The following EPB41L5 variants were observed in gnomAD, a reference collection of about 807,000 sequenced individuals.
EPB41L5 encodes the protein erythrocyte membrane protein band 4.1 like 5.
EPB41L5 carries 55 observed loss-of-function variants against 106.6 expected under a neutral mutation model. That is an observed-to-expected ratio of 0.52 (90% CI 0.42 to 0.65). The LOEUF (loss-of-function observed/expected upper bound fraction) is 0.65. Ranked by LOEUF, EPB41L5 falls within the 30% of genes least tolerant of loss-of-function variation. The pLI is 0.00. For synonymous variants in EPB41L5, 297 were observed against 306.7 expected, an observed-to-expected ratio of 0.97 and a Z score of 0.33; for missense variants, 871 against 882.1, an observed-to-expected ratio of 0.99 and a Z score of 0.16.
chr2:120,107,455 T>G (rs554625709), intron 16 of EPB41L5, among the ~76,000 whole-genome samples: 3 of 152,298 alleles, frequency 2.0e-5, no homozygotes. Flanking sequence ...TTTTAATATG[T>G]GTTATACCAC....
chr2:120,136,644 A>G (rs1399119393), intron 18 of EPB41L5, among the ~76,000 whole-genome samples: 3 of 152,076 alleles, frequency 2.0e-5, no homozygotes, highest in Non-Finnish European at 4.4e-5. Flanking sequence ...AAAACCATAA[A>G]AAGACAAAGA....
chr2:120,073,676 T>C lies in EPB41L5; in HGVS notation c.329-424T>C, dbSNP rs565769014. Among the ~76,000 whole-genome samples the C allele has an allele frequency of 1.1e-4, 16 of 152,328 alleles. 1 individual carries two copies. The South Asian group carries it at 2.5e-3, about 24-fold the overall frequency. On this transcript the variant is annotated intron_variant, in intron 4 of 24. Coordinates refer to ENST00000263713, the MANE Select transcript of EPB41L5 (RefSeq NM_020909.4). ...CCAACTTGACTTTTTATCAGACTTA[T>C]TAGGGCACCTCAACTCTTGTCTCAA...
chr2:120,075,617 A>G (rs914239893), intron 6 of EPB41L5, 84 bp from the exon 7 acceptor site: 4 of 1,415,948 alleles, frequency 2.8e-6, no homozygotes, highest in East Asian at 2.3e-5. Flanking sequence ...GAAATGGTCA[A>G]CATAAAACAT....
intron 20 of EPB41L5, among the ~76,000 whole-genome samples, chr2:120,149,831 A>G (rs150343948): frequency 6.6e-5 from 9 of 137,272 alleles, no homozygotes; most frequent in East Asian, 4.3e-4. Context: ...ACCATTTTCT[A>G]TTTCTCCCAG....
At chr2:120,019,440 A>G (rs1457877858) in intron 2 of EPB41L5, among the ~76,000 whole-genome samples, 176 bp downstream of exon 2, 1 of 152,180 alleles carries the variant, frequency 6.6e-6, no homozygotes, top group Non-Finnish European at 1.5e-5. Context: ...GACCAAAAGT[A>G]CTTGGATTGG....
intron 2 of EPB41L5, among the ~76,000 whole-genome samples, chr2:120,038,739 G>A (rs534888671): frequency 2.0e-5 from 3 of 152,266 alleles, no homozygotes; most frequent in South Asian, 2.1e-4. Context: ...GGGCGACAGA[G>A]TGAGACTGTA....
Position 120,147,039 on chromosome 2 carries a change from C to T in EPB41L5, c.1793+750C>T, listed in dbSNP as rs192023039. Among the ~76,000 whole-genome samples, 16 of 152,298 alleles carry T rather than the reference C, an allele frequency of 1.1e-4. No individual in the cohort carries two copies. The East Asian group carries it at 2.7e-3, about 26-fold the overall frequency. Reference sequence around the variant, plus strand: ...GGTGATCAGGGTAAAGCTAGAATTACAACTTGACCTTGTAACTAATGCTAA... The same window carrying T: ...GGTGATCAGGGTAAAGCTAGAATTATAACTTGACCTTGTAACTAATGCTAA... On this transcript the variant is annotated intron_variant, in intron 20 of 24. Transcript: ENST00000263713.
intron 16 of EPB41L5, among the ~76,000 whole-genome samples, chr2:120,125,096 T>G (rs1685398749): frequency 6.6e-6 from 1 of 152,238 alleles, no homozygotes; most frequent in Non-Finnish European, 1.5e-5. Flanking sequence ...GATGTTCTAA[T>G]TCTGTCATTT....
intron 3 of EPB41L5, 27 bp from the exon 4 acceptor site, chr2:120,073,151 A>T (rs530002144): frequency 6.2e-7 from 1 of 1,600,536 alleles, no homozygotes; most frequent in African/African-American, 1.3e-5. Flanking sequence ...TCATCTGCTT[A>T]ACTAAATTTT....
At chr2:120,121,309 A>C (rs550809911) in intron 16 of EPB41L5, among the ~76,000 whole-genome samples, 9 of 152,074 alleles carry the variant, frequency 5.9e-5, no homozygotes, top group Non-Finnish European at 1.2e-4. Context: ...ACCCATCAAC[A>C]CATCATTTAC....
At chr2:120,031,000 CT>C (rs1370420771) in intron 2 of EPB41L5, among the ~76,000 whole-genome samples, 1 of 152,170 alleles carries the variant, frequency 6.6e-6, no homozygotes, top group African/African-American at 2.4e-5. Flanking sequence ...CCTCAGCCTC[CT>C]GAGTAGCTGG....
At chr2:120,159,363 C>G (rs1351180688) in intron 20 of EPB41L5, among the ~76,000 whole-genome samples, 1 of 145,350 alleles carries the variant, frequency 6.9e-6, no homozygotes, top group African/African-American at 2.6e-5. Context: ...GTGGAGCTTG[C>G]AGCAAGCCGA....
At chr2:120,141,192 TAA>T (rs1445306497) in intron 18 of EPB41L5, among the ~76,000 whole-genome samples, 1 of 152,110 alleles carries the variant, frequency 6.6e-6, no homozygotes. Context: ...TTTTGTAAGA[TAA>T]AATAAATACT....
intron 2 of EPB41L5, among the ~76,000 whole-genome samples, chr2:120,027,466 C>T (rs903017002): frequency 1.3e-5 from 2 of 152,190 alleles, no homozygotes; most frequent in Non-Finnish European, 2.9e-5. Context: ...TGTGAAATTC[C>T]AGAAGAGGGA....
intron 17 of EPB41L5, among the ~76,000 whole-genome samples, chr2:120,131,249 G>A (rs189036303): frequency 4.0e-4 from 61 of 152,306 alleles, no homozygotes; most frequent in African/African-American, 1.4e-3. Context: ...AAAGTGTTGA[G>A]GTTAGACATG....
At chr2:120,038,125 T>C (rs1679158908) in intron 2 of EPB41L5, among the ~76,000 whole-genome samples, 2 of 152,172 alleles carry the variant, frequency 1.3e-5, no homozygotes, top group African/African-American at 2.4e-5. Context: ...GCGAACCAGA[T>C]ATATGATAAG....
chr2:120,107,837 T>C lies in EPB41L5; in HGVS notation c.1337+7023T>C, dbSNP rs201720857. 2.6e-5 allele frequency among the ~76,000 whole-genome samples: 4 copies of C among 152,306 alleles called. No homozygotes were observed. In the East Asian group the frequency reaches 5.8e-4, roughly 22 times the overall value. ...AATTAGGACATGAAGCATGTCACTT[T>C]CAGTGTAAAATATGTCAAGGAACTT... On this transcript the variant is annotated intron_variant, in intron 16 of 24. Coordinates refer to ENST00000263713, the MANE Select transcript of EPB41L5 (RefSeq NM_020909.4).
Position 120,152,124 on chromosome 2 carries a change from T to C in EPB41L5, c.1793+5835T>C, listed in dbSNP as rs74576767. ...TTCCTGAAAGGGATAAAGGGAAAGC[T>C]TTCAGTCTTTCACCATTGAGTGTTG... On this transcript the variant is annotated intron_variant, in intron 20 of 24. Transcript: ENST00000263713. 7.2e-3 allele frequency among the ~76,000 whole-genome samples: 1,090 copies of C among 152,328 alleles called. 7 individuals carry two copies. The highest frequency in any genetic ancestry group is 0.01 in the Non-Finnish European group (693 of 68,030).
At chr2:120,146,784 T>C (rs1207505351) in intron 20 of EPB41L5, among the ~76,000 whole-genome samples, 1 of 152,230 alleles carries the variant, frequency 6.6e-6, no homozygotes, top group Admixed American at 6.5e-5. Context: ...TTATGGCCAT[T>C]GACTTTCTTC....
Sources: gnomAD v4.1 joint callset for allele counts (sites outside exome capture counted in the v4.1 genomes callset) on GRCh38, gnomAD v4.1.1 for gene constraint, MANE v1.5 for transcripts, NCBI Gene and HGNC (gene_info 2026-07-23, HGNC 2026-07-21) for gene names.